The following ATCAY variants were observed in gnomAD, a reference collection of about 807,000 sequenced individuals.
The protein encoded by ATCAY is ATCAY kinesin light chain interacting caytaxin, also known as caytaxin.
In ATCAY, 22 loss-of-function variants were observed where a neutral mutation model predicts 47.7. That is an observed-to-expected ratio of 0.46 (90% CI 0.33 to 0.66). The LOEUF is 0.66. Among genes scored for constraint, ATCAY ranks in the 30% least tolerant of loss-of-function variants. The probability of loss-of-function intolerance (pLI) is 0.02; values close to 1 mark genes in which losing one functional copy is unlikely to be tolerated. For missense variants in ATCAY, 452 were observed against 515.0 expected, an observed-to-expected ratio of 0.88 and a Z score of 1.18; for synonymous variants, 216 against 207.6, an observed-to-expected ratio of 1.04 and a Z score of -0.35.
chr19:3,888,492 T>C (rs1452170568), intron 2 of ATCAY, among the ~76,000 whole-genome samples: 1 of 151,810 alleles, frequency 6.6e-6, no homozygotes, highest in Non-Finnish European at 1.5e-5. Context: ...TAGTCGGGCG[T>C]GGTGGTGGGC....
rs149614722 is a variant in ATCAY, at chr19:3,918,425, C to T, written c.1002-381C>T. ...TAAATTAGCCAGGTGTGGTGGCATG[C>T]GCCTGTAGTTCAGCTACTTGCAGGG... On this transcript the variant is annotated intron_variant, in intron 10 of 12. Coordinates refer to ENST00000450849, the MANE Select transcript of ATCAY (RefSeq NM_033064.5). Among the ~76,000 whole-genome samples the T allele has an allele frequency of 6.6e-5, 10 of 151,566 alleles. No homozygotes were observed. In the East Asian group the frequency reaches 1.2e-3, roughly 18 times the overall value.
chr19:3,894,591 C>A (rs1395791137), intron 2 of ATCAY, among the ~76,000 whole-genome samples: 3 of 145,064 alleles, frequency 2.1e-5, no homozygotes, highest in Non-Finnish European at 4.5e-5. Flanking sequence ...GAATTTGAGA[C>A]CAGCCTGGGC....
intron 2 of ATCAY, among the ~76,000 whole-genome samples, chr19:3,898,017 C>T (rs1303009016): frequency 6.6e-6 from 1 of 152,154 alleles, no homozygotes; most frequent in Non-Finnish European, 1.5e-5. Context: ...AGAGTCCATT[C>T]ATAATGTTCT....
intron 2 of ATCAY, among the ~76,000 whole-genome samples, chr19:3,893,881 C>T (rs1273831782): frequency 6.6e-6 from 1 of 151,480 alleles, no homozygotes; most frequent in Non-Finnish European, 1.5e-5. Context: ...TCCAACCACT[C>T]CCTCCTCCCC....
intron 2 of ATCAY, among the ~76,000 whole-genome samples, chr19:3,898,649 G>A (rs2038789255): frequency 6.6e-6 from 1 of 152,090 alleles, no homozygotes; most frequent in African/African-American, 2.4e-5. Flanking sequence ...CACATTTGTT[G>A]ATCCAGTCAG....
At chr19:3,912,936 G>C (rs999635514) in intron 8 of ATCAY, among the ~76,000 whole-genome samples, 1 of 150,608 alleles carries the variant, frequency 6.6e-6, no homozygotes, top group African/African-American at 2.4e-5. Flanking sequence ...CATGGTATCA[G>C]ATGGCCAGAA....
At chr19:3,902,594 G>A in intron 3 of ATCAY, 49 bp downstream of exon 3, 1 of 1,542,332 alleles carries the variant, frequency 6.5e-7, no homozygotes, top group South Asian at 1.2e-5. Flanking sequence ...AGTGTTTCCG[G>A]GTTTCAGCCC....
chr19:3,919,454 TGGTGG>T (rs1324574537), intron 11 of ATCAY, among the ~76,000 whole-genome samples: 3 of 151,894 alleles, frequency 2.0e-5, no homozygotes, highest in African/African-American at 7.3e-5. Context: ...TAGCTGGGCA[TGGTGG>T]CTCGTGCCTG....
At chr19:3,910,739 C>T (rs2038915638) in intron 7 of ATCAY, 64 bp from the exon 8 acceptor site, 7 of 1,553,268 alleles carry the variant, frequency 4.5e-6, no homozygotes, top group Non-Finnish European at 6.2e-6. Context: ...CCGTCCCACC[C>T]AGCTCCTCCC....
intron 8 of ATCAY, among the ~76,000 whole-genome samples, chr19:3,912,569 C>G (rs193153664): frequency 6.6e-6 from 1 of 151,878 alleles, no homozygotes; most frequent in Non-Finnish European, 1.5e-5. Context: ...CTTGGCCTCC[C>G]AAAGTGAAAA....
chr19:3,885,714 G>A lies in ATCAY; in HGVS notation c.-41-13G>A, dbSNP rs529428286. On this transcript the variant is annotated splice_polypyrimidine_tract_variant and intron_variant, in intron 1 of 12. Coordinates refer to ENST00000450849, the MANE Select transcript of ATCAY (RefSeq NM_033064.5). ...TGTCCAGTAAAACCCATTCCTCTGC[G>A]GCTTCCTTTCAGGGGTCATCCCTGC... is the stretch of plus-strand genomic sequence containing the variant. 105 of 1,486,006 alleles carry A rather than the reference G, an allele frequency of 7.1e-5. 1 individual carries two copies. In the South Asian group the frequency reaches 8.6e-4, roughly 12 times the overall value. The allele number at this position is 1,486,006 out of a possible 1,614,324, so 92.1% of individuals were successfully genotyped here.
chr19:3,919,648 G>A (rs1254016372), intron 11 of ATCAY, among the ~76,000 whole-genome samples: 1 of 151,824 alleles, frequency 6.6e-6, no homozygotes, highest in Non-Finnish European at 1.5e-5. Flanking sequence ...CTCTAGTCCA[G>A]CTACTCAGAA....
intron 8 of ATCAY, among the ~76,000 whole-genome samples, chr19:3,911,380 C>T (rs1176371863): frequency 6.6e-6 from 1 of 151,714 alleles, no homozygotes; most frequent in Non-Finnish European, 1.5e-5. Flanking sequence ...GAAAATCAGT[C>T]ATGCATGGCA....
At chr19:3,882,860 A>G (rs1337604078) in intron 1 of ATCAY, among the ~76,000 whole-genome samples, 1 of 151,814 alleles carries the variant, frequency 6.6e-6, no homozygotes, top group East Asian at 1.9e-4. Flanking sequence ...TATGTTGCCC[A>G]GGCTGGTCTT....
chr19:3,888,970 C>G (rs1300406197), intron 2 of ATCAY, among the ~76,000 whole-genome samples: 1 of 152,050 alleles, frequency 6.6e-6, no homozygotes, highest in Admixed American at 6.6e-5. Flanking sequence ...TCAGAATAGC[C>G]GAGAATCAGA....
intron 9 of ATCAY, among the ~76,000 whole-genome samples, chr19:3,914,380 C>G (rs1316521667): frequency 3.3e-5 from 5 of 151,936 alleles, no homozygotes; most frequent in African/African-American, 1.2e-4. Flanking sequence ...TTTATAAAAC[C>G]ATCAGATCTC....
At chr19:3,922,284 T>G (rs548436714) in intron 12 of ATCAY, 1 of 682,844 alleles carries the variant, frequency 1.5e-6, no homozygotes, top group African/African-American at 1.8e-5. Flanking sequence ...GGGTAAATTA[T>G]AAAGAAAAGA....
intron 2 of ATCAY, among the ~76,000 whole-genome samples, chr19:3,900,181 T>C (rs1161538827): frequency 1.3e-5 from 2 of 150,686 alleles, no homozygotes; most frequent in Admixed American, 6.8e-5. Context: ...TGTCCTCTTT[T>C]TTTTTCTTTT....
intron 12 of ATCAY, 155 bp downstream of exon 12, chr19:3,920,953 C>G: frequency 3.4e-6 from 3 of 885,282 alleles, no homozygotes; most frequent in Non-Finnish European, 5.4e-6. Flanking sequence ...TGCCCCATGA[C>G]TTATCGGGAG....
Sources: allele counts gnomAD v4.1 joint callset (sites outside exome capture counted in the v4.1 genomes callset), GRCh38; gene constraint gnomAD v4.1.1; transcripts MANE v1.5; gene names NCBI Gene and HGNC (gene_info 2026-07-23, HGNC 2026-07-21).